The following EGFLAM variants were observed in gnomAD, a reference collection of about 807,000 sequenced individuals.
The protein encoded by EGFLAM is pikachurin.
EGFLAM carries 79 observed loss-of-function variants against 113.1 expected under a neutral mutation model. The observed-to-expected ratio is 0.70, with a 90% CI of 0.58 to 0.84. The LOEUF (loss-of-function observed/expected upper bound fraction) is 0.84. Ranked by LOEUF, EGFLAM falls within the 40% of genes least tolerant of loss-of-function variation. The probability of loss-of-function intolerance (pLI) is 0.00; values close to 1 mark genes in which losing one functional copy is unlikely to be tolerated. For missense variants in EGFLAM, 1,265 were observed against 1,291.6 expected (o/e 0.98, Z 0.32); for synonymous variants, 504 against 487.6 (o/e 1.03, Z -0.44).
chr5:38,334,219 C>T (rs899184496), intron 1 of EGFLAM, among the ~76,000 whole-genome samples: 5 of 152,266 alleles, frequency 3.3e-5, no homozygotes, highest in East Asian at 1.9e-4. Context: ...CCACCATGCC[C>T]GGCCTGTTGA....
In EGFLAM at chr5:38,370,433, G is replaced by C. The variant is rs768475565; in HGVS notation, c.683G>C (p.Ser228Thr). Residue 228 changes from serine (S) to threonine (T), a missense_variant, in exon 6 of 22, where the codon AGC becomes ACC. Ser to Thr is a moderately conservative substitution (Grantham distance 58). Coordinates refer to ENST00000322350, the MANE Select transcript of EGFLAM (RefSeq NM_152403.4). ...AMNSHGPSPR[S>T]WPSDIIRTLC... ...AATTCCCATGGCCCCAGCCCCCGCAGCTGGCCCAGTGACATCATCCGGACC... is the reference window on the plus strand; with the variant it reads ...AATTCCCATGGCCCCAGCCCCCGCACCTGGCCCAGTGACATCATCCGGACC... 1 of 1,614,142 alleles carries C rather than the reference G, an allele frequency of 6.2e-7. No individual in the cohort carries two copies. The highest frequency in any genetic ancestry group is 8.5e-7 in the Non-Finnish European group (1 of 1,180,024).
intron 1 of EGFLAM, among the ~76,000 whole-genome samples, chr5:38,275,656 A>G (rs1032299733): frequency 8.5e-5 from 13 of 152,180 alleles, no homozygotes; most frequent in African/African-American, 2.9e-4. Flanking sequence ...ACTTTCATCA[A>G]TGGGCAGACA....
intron 17 of EGFLAM, among the ~76,000 whole-genome samples, chr5:38,440,219 A>T (rs1742488966): frequency 6.6e-6 from 1 of 152,198 alleles, no homozygotes; most frequent in East Asian, 1.9e-4. Context: ...CCAAGATTGG[A>T]ACCCAGATGA....
chr5:38,360,910 A>C (rs1191319876), intron 5 of EGFLAM, among the ~76,000 whole-genome samples: 1 of 151,764 alleles, frequency 6.6e-6, no homozygotes, highest in Non-Finnish European at 1.5e-5. Flanking sequence ...GCCGGAGTGC[A>C]GTGGTGTGAT....
At chr5:38,402,731 T>G (rs1489047995) in intron 6 of EGFLAM, among the ~76,000 whole-genome samples, 1 of 152,182 alleles carries the variant, frequency 6.6e-6, no homozygotes, top group Non-Finnish European at 1.5e-5. Context: ...CACCCAATAG[T>G]ACCTGATAAG....
rs185453699 is a variant in EGFLAM at position 38,423,355 on chromosome 5, C to T, written c.1685-1612C>T. 1.2e-3 allele frequency among the ~76,000 whole-genome samples: 177 copies of T among 152,314 alleles called. 1 individual carries two copies. The highest frequency in any genetic ancestry group is 4.0e-3 in the African/African-American group (166 of 41,576). On this transcript the variant is annotated intron_variant, in intron 12 of 21. Coordinates refer to ENST00000322350, the MANE Select transcript of EGFLAM (RefSeq NM_152403.4). ...TCCTATCACTCACCAGTCTGTTTTG[C>T]ATGCCATTCCCAGAGTAATCTTGTT... is the stretch of plus-strand genomic sequence containing the variant.
chr5:38,411,633 C>T (rs1741483580), intron 10 of EGFLAM, among the ~76,000 whole-genome samples: 1 of 150,992 alleles, frequency 6.6e-6, no homozygotes, highest in African/African-American at 2.4e-5. Flanking sequence ...CAAGCATCTG[C>T]CATCGTGCTC....
At chr5:38,323,509 A>G (rs969420906) in intron 1 of EGFLAM, among the ~76,000 whole-genome samples, 5 of 152,230 alleles carry the variant, frequency 3.3e-5, no homozygotes, top group African/African-American at 1.2e-4. Context: ...TTAGTTTCAA[A>G]TGCTATGTTT....
intron 12 of EGFLAM, among the ~76,000 whole-genome samples, chr5:38,421,226 G>A (rs1741810973): frequency 6.6e-6 from 1 of 152,132 alleles, no homozygotes; most frequent in African/African-American, 2.4e-5. Context: ...TTCATATCCT[G>A]TCTTTCGTTA....
chr5:38,450,143 CT>C (rs1445825911), intron 18 of EGFLAM, among the ~76,000 whole-genome samples: 10 of 152,302 alleles, frequency 6.6e-5, no homozygotes, highest in African/African-American at 2.4e-4. Context: ...ATGCCTGCCC[CT>C]AAACCAATCA....
In EGFLAM at chr5:38,445,834, C is replaced by G. The variant is rs1179217926; in HGVS notation, c.2465-2467C>G. The G allele has an allele frequency of 6.0e-6, 6 of 996,820 alleles. No individual in the cohort carries two copies. In the African/African-American group the frequency reaches 6.3e-5, roughly 10 times the overall value. The allele number at this position is 996,820 out of a possible 1,614,324, so 61.7% of individuals were successfully genotyped here. ...CTACGCGTGGTGGGAAGCCTCCCCGCCGGCCAGCCAGAGGACACTTCTCTC... is the reference window on the plus strand; with the variant it reads ...CTACGCGTGGTGGGAAGCCTCCCCGGCGGCCAGCCAGAGGACACTTCTCTC... On this transcript the variant is annotated intron_variant, in intron 17 of 21. Transcript: ENST00000322350.
rs377637913 is a variant in EGFLAM at position 38,462,937 on chromosome 5, A to G, written c.2801A>G (p.Asp934Gly). ...RDGQSGKITV[D>G]DYGARTGKSP... ...GGCCAGTCAGGAAAGATAACCGTGG[A>G]TGACTATGGAGCCAGAACAGGCAAA... The change falls in exon 21 of 22, where the codon GAT becomes GGT. Residue 934 changes from aspartate to glycine, a missense_variant. By Grantham distance (94) the Asp-to-Gly change is moderately conservative (BLOSUM62 -1). Coordinates refer to ENST00000322350, the MANE Select transcript of EGFLAM (RefSeq NM_152403.4). The G allele has an allele frequency of 6.2e-7, 1 of 1,614,124 alleles. No homozygotes were observed. Among genetic ancestry groups the G allele is most frequent in the Non-Finnish European group, 8.5e-7 (1 of 1,180,014 alleles).
intron 19 of EGFLAM, among the ~76,000 whole-genome samples, chr5:38,451,991 CAA>C (rs531712895): frequency 0.092 from 3,541 of 38,448 alleles, 116 homozygotes; most frequent in African/African-American, 0.22. Context: ...GACTCCATCT[CAA>C]AAAAAAAAAA....
intron 1 of EGFLAM, among the ~76,000 whole-genome samples, chr5:38,332,970 A>G (rs1030508145): frequency 6.6e-6 from 1 of 152,180 alleles, no homozygotes; most frequent in Admixed American, 6.5e-5. Context: ...CCTGTTCCCA[A>G]CACCCCAGCG....
In EGFLAM at chr5:38,462,903, T is replaced by C. The variant is rs1196581430; in HGVS notation, c.2772-5T>C. The C allele has an allele frequency of 1.9e-6, 3 of 1,613,994 alleles. No homozygotes were observed. In the African/African-American group the frequency reaches 4.0e-5, roughly 22 times the overall value. On this transcript the variant is annotated splice_polypyrimidine_tract_variant and splice_region_variant and intron_variant, in intron 20 of 21. Coordinates refer to ENST00000322350, the MANE Select transcript of EGFLAM (RefSeq NM_152403.4). The stretch of plus-strand genomic sequence containing the variant: ...TTTGTTCTTTTTTGTTTTGGTGTTT[T>C]GCAGGGATGGCCAGTCAGGAAAGAT...
chr5:38,371,640 A>G (rs1366146870), intron 6 of EGFLAM, among the ~76,000 whole-genome samples: 6 of 152,104 alleles, frequency 3.9e-5, no homozygotes, highest in African/African-American at 1.4e-4. Flanking sequence ...ACACACACGC[A>G]CACACATATG....
chr5:38,258,951 G>T (rs189562129), intron 1 of EGFLAM, 100 bp downstream of exon 1: 14 of 1,278,944 alleles, frequency 1.1e-5, no homozygotes, highest in African/African-American at 1.5e-5. Flanking sequence ...CCCTCTCCCC[G>T]ACCAACGTCT....
chr5:38,370,973 T>G (rs1028077609), intron 6 of EGFLAM, among the ~76,000 whole-genome samples: 4 of 152,210 alleles, frequency 2.6e-5, no homozygotes, highest in Admixed American at 1.3e-4. Flanking sequence ...GTTCTCATAG[T>G]GCCTAGGAAC....
chr5:38,427,037 A>G lies in EGFLAM; in HGVS notation c.1839A>G (p.Arg613=), dbSNP rs541237247. Residue 613 remains arginine (R), a synonymous_variant, in exon 14 of 22, where the codon AGA becomes AGG. Transcript: ENST00000322350. ...TCACCTTGACCATTCCTCAGTTCAG[A>G]GAGTCTCTGAGATCTTACGCTGCAA... ...DAFTLTIPQF[R]ESLRSYAATP... is the part of the protein sequence containing the mutation. 1 of 1,614,036 alleles carries G rather than the reference A, an allele frequency of 6.2e-7. No individual in the cohort carries two copies. The highest frequency in any genetic ancestry group is 1.1e-5 in the South Asian group (1 of 91,072).
Sources: gnomAD v4.1 joint callset for allele counts (sites outside exome capture counted in the v4.1 genomes callset) on GRCh38, gnomAD v4.1.1 for gene constraint, MANE v1.5 for transcripts, NCBI Gene and HGNC (gene_info 2026-07-23, HGNC 2026-07-21) for gene names.